Variants in TRIM45 observed in about 807,000 individuals in gnomAD.
TRIM45 encodes the protein E3 ubiquitin-protein ligase TRIM45.
A neutral mutation model predicts 46.7 loss-of-function variants in TRIM45; 45 were observed. The ratio of observed to expected loss-of-function variants is 0.96; its 90% CI spans 0.76 to 1.24. TRIM45 has a LOEUF of 1.24. TRIM45 is among the 50% of genes most tolerant of loss of function. TRIM45 has a pLI of 0.00. For missense variants in TRIM45, 680 were observed against 728.4 expected (o/e 0.93, Z 0.77); for synonymous variants, 259 against 285.8 (o/e 0.91, Z 0.94).
chr1:117,119,545 T>G (rs1033723274), intron 1 of TRIM45, among the ~76,000 whole-genome samples: 1 of 151,644 alleles, frequency 6.6e-6, no homozygotes, highest in African/African-American at 2.4e-5. Flanking sequence ...AGGTGGAGGT[T>G]GCAGTGAGTG....
chr1:117,120,723 T>C lies in TRIM45; in HGVS notation c.479A>G (p.Gln160Arg). The C allele has an allele frequency of 1.2e-6, 2 of 1,605,400 alleles. No homozygotes were observed. Among genetic ancestry groups the C allele is most frequent in the Non-Finnish European group, 1.7e-6 (2 of 1,174,846 alleles). The change falls in exon 1 of 6, where the codon CAG becomes CGG. Residue 160 changes from glutamine (Q) to arginine (R), a missense_variant. Transcript: ENST00000256649. ...CKANLCHFCC[Q>R]AHRRQKKTTY... is the part of the protein sequence containing the mutation. ...AGTGTCCCATCTTTACCTATGAGCC[T>C]GGCAGCAGAAGTGGCAGAGGTTGGC...
At position 117,116,508 on chromosome 1, in the gene TRIM45, G is replaced by A. The variant is rs934690538; in HGVS notation, c.1352+108C>T. 10 of 1,454,406 alleles carry A rather than the reference G, an allele frequency of 6.9e-6. No individual in the cohort carries two copies. The African/African-American group carries it at 1.3e-4, about 18-fold the overall frequency. The allele number at this position is 1,454,406 out of a possible 1,614,324, so 90.1% of individuals were successfully genotyped here. ...CCTGCCTCCACTTCCCAAAGTGCTG[G>A]GATTACAGGCATGAGCCACTGTGCC... On this transcript the variant is annotated intron_variant, in intron 3 of 5. Coordinates refer to ENST00000256649, the MANE Select transcript of TRIM45 (RefSeq NM_025188.4). This position sits in a 1 kb window ranked among gnomAD's most constrained non-coding sequence, Gnocchi z 4.6.
Position 117,115,628 on chromosome 1 carries a change from T to C in TRIM45, c.1414A>G (p.Lys472Glu). The C allele has an allele frequency of 6.2e-7, 1 of 1,614,112 alleles. No homozygotes were observed. Among genetic ancestry groups the C allele is most frequent in the Non-Finnish European group, 8.5e-7 (1 of 1,180,022 alleles). The change falls in exon 4 of 6, where the codon AAG becomes GAG. Residue 472 changes from lysine to glutamate, a missense_variant. By Grantham distance (56) the Lys-to-Glu change is moderately conservative. Around this residue, in one of 3 missense-constraint regions of TRIM45, gnomAD observed 322 missense variants for 359.3 expected, o/e 0.90. Transcript: ENST00000256649. This position sits in a 1 kb window ranked among gnomAD's most constrained non-coding sequence, Gnocchi z 4.2. Reference sequence around the variant, plus strand: ...CACACAGTATAGACGCCAGGTTCCTTGGGGGTGTAGGAAATGTAGTATGTC... The same window carrying C: ...CACACAGTATAGACGCCAGGTTCCTCGGGGGTGTAGGAAATGTAGTATGTC... ...DGTYYISYTP[K>E]EPGVYTVWVC...
rs1169685094 is a variant in TRIM45 at position 117,113,601 on chromosome 1, G to A, written c.1468-116C>T. The A allele has an allele frequency of 1.5e-6, 2 of 1,352,540 alleles. No homozygotes were observed. Among genetic ancestry groups the A allele is most frequent in the Non-Finnish European group, 2.0e-6 (2 of 1,007,966 alleles). 83.8% of individuals were successfully genotyped at this position (1,352,540 alleles called of 1,614,324 possible). On this transcript the variant is annotated intron_variant, in intron 4 of 5. Transcript: ENST00000256649. The surrounding 1 kb of genome is among the most constrained non-coding windows in gnomAD (Gnocchi z 4.0). ...ACAGGGCCTGTCCTTGGATGGACAA[G>A]GACAACAGGAAAGAAACAGATTAGA...
chr1:117,119,726 C>T (rs1650550050), intron 1 of TRIM45, among the ~76,000 whole-genome samples: 1 of 152,100 alleles, frequency 6.6e-6, no homozygotes, highest in Non-Finnish European at 1.5e-5. Flanking sequence ...CTTAGGAAAA[C>T]ATGGTGACTG....
chr1:117,118,971 T>C lies in TRIM45; in HGVS notation c.489-204A>G, dbSNP rs1208181846. Among the ~76,000 whole-genome samples, 4 of 152,218 alleles carry C rather than the reference T, an allele frequency of 2.6e-5. No individual in the cohort carries two copies. Among genetic ancestry groups the C allele is most frequent in the Admixed American group, 2.6e-4 (4 of 15,280 alleles). ...CAATACCTACCTGAAAGAGCTGTTG[T>C]ATAGAATAACGTGTGAACAGACTAG... On this transcript the variant is annotated intron_variant, in intron 1 of 5. Transcript: ENST00000256649. The surrounding 1 kb of genome is among the most constrained non-coding windows in gnomAD (Gnocchi z 5.7).
At chr1:117,120,608 G>C in intron 1 of TRIM45, 106 bp downstream of exon 1, 1 of 1,462,506 alleles carries the variant, frequency 6.8e-7, no homozygotes, top group Non-Finnish European at 9.2e-7. Flanking sequence ...GACCTTCCAC[G>C]GTATTTGAGA....
In TRIM45 at chr1:117,117,911, T is replaced by G; in HGVS notation, c.1222+123A>C. ...GGGGTCACTGTCTTTCAGATCAGTT[T>G]ATCTCCCCACCTTTGGTAACCTGGT... On this transcript the variant is annotated intron_variant, in intron 2 of 5. Coordinates refer to ENST00000256649, the MANE Select transcript of TRIM45 (RefSeq NM_025188.4). The surrounding 1 kb of genome is among the most constrained non-coding windows in gnomAD (Gnocchi z 4.9). The G allele has an allele frequency of 7.6e-7, 1 of 1,310,796 alleles. No homozygotes were observed. Among genetic ancestry groups the G allele is most frequent in the Non-Finnish European group, 1.1e-6 (1 of 949,558 alleles). 81.2% of individuals were successfully genotyped at this position (1,310,796 alleles called of 1,614,324 possible). A position where few individuals can be genotyped will look rare whatever the true frequency, so the allele number is the denominator to read the frequency against.
At chr1:117,123,678 G>A (rs1267617447), upstream of TRIM45, among the ~76,000 whole-genome samples, 2 of 149,886 alleles carry the variant, frequency 1.3e-5, no homozygotes, top group African/African-American at 2.5e-5. Flanking sequence ...TGCCTAGGCC[G>A]GAATGCAATG....
chr1:117,120,525 A>T (rs1275864549), intron 1 of TRIM45, among the ~76,000 whole-genome samples, 189 bp downstream of exon 1: 1 of 152,236 alleles, frequency 6.6e-6, no homozygotes, highest in Non-Finnish European at 1.5e-5. Context: ...GCTATATATT[A>T]GGTACTATAT....
In TRIM45 at chr1:117,113,923, C is replaced by A. The variant is rs114635718; in HGVS notation, c.1468-438G>T. On this transcript the variant is annotated intron_variant, in intron 4 of 5. Transcript: ENST00000256649. This position sits in a 1 kb window ranked among gnomAD's most constrained non-coding sequence, Gnocchi z 4.0. Reference sequence around the variant, plus strand: ...CTTGATGGATTCTGCCTCACTCTATCCTTGTATGAAGTATAAGTACCTAGA... The same window carrying A: ...CTTGATGGATTCTGCCTCACTCTATACTTGTATGAAGTATAAGTACCTAGA... Among the ~76,000 whole-genome samples, 42 of 152,342 alleles carry A rather than the reference C, an allele frequency of 2.8e-4. No individual in the cohort carries two copies. The highest frequency in any genetic ancestry group is 1.0e-3 in the African/African-American group (42 of 41,578).
intron 1 of TRIM45, among the ~76,000 whole-genome samples, chr1:117,119,804 G>A (rs776860275): frequency 6.6e-6 from 1 of 152,174 alleles, no homozygotes; most frequent in Non-Finnish European, 1.5e-5. Flanking sequence ...CCAGAAGAGT[G>A]GCTGCAGAGA....
In TRIM45 at chr1:117,115,699, G is replaced by C; in HGVS notation, c.1353-10C>G. ...CATTGTTCTGACTGGGCTGAATGGA[G>C]ATAAGAGTCAAAACACCACTCACTT... is the stretch of plus-strand genomic sequence containing the variant. On this transcript the variant is annotated splice_polypyrimidine_tract_variant and intron_variant, in intron 3 of 5. Transcript: ENST00000256649. This position sits in a 1 kb window ranked among gnomAD's most constrained non-coding sequence, Gnocchi z 4.2. 6.3e-7 allele frequency: 1 copy of C among 1,598,756 alleles called. No individual in the cohort carries two copies. Among genetic ancestry groups the C allele is most frequent in the African/African-American group, 1.3e-5 (1 of 74,734 alleles).
In TRIM45 at chr1:117,112,187, C is replaced by CA; in HGVS notation, c.*117dup. ...ACAAAAGAGCACTTGAACTCCAGTG[C>CA]AAGATAAGGCACTTTGTTTTTAATT... On this transcript the variant is annotated 3_prime_UTR_variant, in exon 6 of 6. Transcript: ENST00000256649. 9.1e-7 allele frequency: 1 copy of CA among 1,098,784 alleles called. No individual in the cohort carries two copies. Among genetic ancestry groups the CA allele is most frequent in the Non-Finnish European group, 1.2e-6 (1 of 839,258 alleles). 68.1% of individuals were successfully genotyped at this position (1,098,784 alleles called of 1,614,324 possible).
rs747126711 is a variant in TRIM45 at position 117,113,457 on chromosome 1, C to G, written c.1496G>C (p.Arg499Thr). The change falls in exon 5 of 6, where the codon AGA becomes ACA. Residue 499 changes from arginine (R) to threonine (T), a missense_variant. Transcript: ENST00000256649. The surrounding 1 kb of genome is among the most constrained non-coding windows in gnomAD (Gnocchi z 4.0). ...QGSPFTVMVR[R>T]KHRPHSGVFH... is the part of the protein sequence containing the mutation. ...CACGCCTGAGTGTGGGCGGTGCTTTCTCCTCACCATCACAGTGAATGGCGA... is the reference window on the plus strand; with the variant it reads ...CACGCCTGAGTGTGGGCGGTGCTTTGTCCTCACCATCACAGTGAATGGCGA... 7.4e-6 allele frequency: 12 copies of G among 1,612,920 alleles called. No individual in the cohort carries two copies. The highest frequency in any genetic ancestry group is 1.0e-5 in the Non-Finnish European group (12 of 1,180,016).
At position 117,113,305 on chromosome 1, in the gene TRIM45, C is replaced by G. The variant is rs975177173; in HGVS notation, c.1594+54G>C. 5.6e-6 allele frequency: 9 copies of G among 1,597,524 alleles called. 1 individual carries two copies. The highest frequency in any genetic ancestry group is 5.1e-6 in the Non-Finnish European group (6 of 1,171,534). On this transcript the variant is annotated intron_variant, in intron 5 of 5. Coordinates refer to ENST00000256649, the MANE Select transcript of TRIM45 (RefSeq NM_025188.4). This position sits in a 1 kb window ranked among gnomAD's most constrained non-coding sequence, Gnocchi z 4.0. Reference sequence around the variant, plus strand: ...GGCTGTGTGGTAGGGAAGGGCCCGTCGCTTGATTCCCACTGCTGGCAGAAA... The same window carrying G: ...GGCTGTGTGGTAGGGAAGGGCCCGTGGCTTGATTCCCACTGCTGGCAGAAA...
chr1:117,113,233 C>T lies in TRIM45; in HGVS notation c.1594+126G>A, dbSNP rs1222794985. ...TTTAGAACAGTGGTGTCTCTACAATCACAGACTGTGCTTCCTAGAAACAGA... is the reference window on the plus strand; with the variant it reads ...TTTAGAACAGTGGTGTCTCTACAATTACAGACTGTGCTTCCTAGAAACAGA... On this transcript the variant is annotated intron_variant, in intron 5 of 5. Transcript: ENST00000256649. The surrounding 1 kb of genome is among the most constrained non-coding windows in gnomAD (Gnocchi z 4.0). 1.5e-6 allele frequency: 2 copies of T among 1,359,688 alleles called. No homozygotes were observed. The highest frequency in any genetic ancestry group is 2.0e-6 in the Non-Finnish European group (2 of 994,284). The allele number at this position is 1,359,688 out of a possible 1,614,324, so 84.2% of individuals were successfully genotyped here. A position where few individuals can be genotyped will look rare whatever the true frequency, so the allele number is the denominator to read the frequency against.
At position 117,113,525 on chromosome 1, in the gene TRIM45, G is replaced by A. The variant is rs758790509; in HGVS notation, c.1468-40C>T. ...CCAAAAGCAATGAACAGCATCTTAC[G>A]AGTTAACAGGATGTGCTGCGCATCA... On this transcript the variant is annotated intron_variant, in intron 4 of 5. Coordinates refer to ENST00000256649, the MANE Select transcript of TRIM45 (RefSeq NM_025188.4). The surrounding 1 kb of genome is among the most constrained non-coding windows in gnomAD (Gnocchi z 4.0). The A allele has an allele frequency of 6.9e-6, 11 of 1,599,918 alleles. No homozygotes were observed. Among genetic ancestry groups the A allele is most frequent in the Admixed American group, 6.7e-5 (4 of 59,264 alleles).
chr1:117,113,365 T>C lies in TRIM45; in HGVS notation c.1588A>G (p.Met530Val). 6.2e-7 allele frequency: 1 copy of C among 1,612,108 alleles called. No individual in the cohort carries two copies. The highest frequency in any genetic ancestry group is 8.5e-7 in the Non-Finnish European group (1 of 1,179,862). ...KTARCACGGT[M>V]PGGYLGCGHG... is the part of the protein sequence containing the mutation. ...GGTAGTGCTTTCTCCTTACCTGGCA[T>C]GGTGCCTCCACAGGCGCAGCGAGCG... The change falls in exon 5 of 6, where the codon ATG (methionine) becomes GTG (valine). Residue 530 changes from methionine (M) to valine (V), a missense_variant. This residue lies in a region of TRIM45 where 322 missense variants were observed against 359.3 expected (regional missense o/e 0.90). Coordinates refer to ENST00000256649, the MANE Select transcript of TRIM45 (RefSeq NM_025188.4). The surrounding 1 kb of genome is among the most constrained non-coding windows in gnomAD (Gnocchi z 4.0).
Sources: gnomAD v4.1 joint callset for allele counts (sites outside exome capture counted in the v4.1 genomes callset) on GRCh38, gnomAD v4.1.1 for gene constraint, gnomAD v4.1.1 regional missense constraint, Gnocchi (gnomAD v3.1) non-coding constraint, MANE v1.5 for transcripts, NCBI Gene and HGNC (gene_info 2026-07-23, HGNC 2026-07-21) for gene names.